Variants in DOCK3 observed in about 807,000 individuals in gnomAD.
DOCK3 encodes the protein dedicator of cytokinesis 3.
Under a neutral mutation model 265.6 loss-of-function variants are expected in DOCK3, and 60 were observed. That is an observed-to-expected ratio of 0.23 (90% CI 0.18 to 0.28). DOCK3 has a LOEUF of 0.28. Among genes scored for constraint, DOCK3 ranks in the 10% least tolerant of loss-of-function variants. The pLI is 1.00. For missense variants in DOCK3, 1,981 were observed against 2,594.3 expected (o/e 0.76, Z 5.14); for synonymous variants, 881 against 938.0 (o/e 0.94, Z 1.11).
At chr3:51,238,779 AGACATGATCT>A (rs1381572916) in intron 21 of DOCK3, among the ~76,000 whole-genome samples, 1 of 152,174 alleles carries the variant, frequency 6.6e-6, no homozygotes, top group Non-Finnish European at 1.5e-5. Flanking sequence ...TTTCTGCAAA[AGACATGATCT>A]CATTCTTTTT....
chr3:50,755,730 A>G (rs1396943890), intron 1 of DOCK3, among the ~76,000 whole-genome samples: 1 of 152,170 alleles, frequency 6.6e-6, no homozygotes, highest in African/African-American at 2.4e-5. Flanking sequence ...ATTTGCCTAT[A>G]CTGGACATTT....
intron 5 of DOCK3, among the ~76,000 whole-genome samples, chr3:51,061,407 T>C (rs897418966): frequency 1.1e-4 from 16 of 152,164 alleles, no homozygotes; most frequent in Non-Finnish European, 2.4e-4. Flanking sequence ...TTCATGTCCT[T>C]TGTAGGGACA....
chr3:51,257,643 C>T (rs1454986943), intron 22 of DOCK3, among the ~76,000 whole-genome samples: 2 of 152,050 alleles, frequency 1.3e-5, no homozygotes, highest in African/African-American at 4.8e-5. Flanking sequence ...AGAGAGGGCA[C>T]GGTGGATCTT....
At chr3:50,876,449 G>A (rs1177786126) in intron 3 of DOCK3, among the ~76,000 whole-genome samples, 1 of 152,016 alleles carries the variant, frequency 6.6e-6, no homozygotes, top group Non-Finnish European at 1.5e-5. Flanking sequence ...AATATTTAGT[G>A]AATAAATATT....
At chr3:50,916,901 A>AG (rs2050161143) in intron 4 of DOCK3, among the ~76,000 whole-genome samples, 1 of 151,242 alleles carries the variant, frequency 6.6e-6, no homozygotes, top group East Asian at 1.9e-4. Flanking sequence ...TCCCTTTATG[A>AG]GGGGGACAAG....
chr3:50,695,013 T>C lies in DOCK3; in HGVS notation c.37+19713T>C, dbSNP rs1371635616. Among the ~76,000 whole-genome samples, 4 of 152,322 alleles carry C rather than the reference T, an allele frequency of 2.6e-5. No individual in the cohort carries two copies. In the East Asian group the frequency reaches 7.7e-4, roughly 29 times the overall value. The stretch of plus-strand genomic sequence containing the variant: ...TTAGCAGATTTAATTTTGTTTTAAA[T>C]CAATTAGTCACTTAAGGTTTTTATT... On this transcript the variant is annotated intron_variant, in intron 1 of 52. Transcript: ENST00000266037.
intron 27 of DOCK3, among the ~76,000 whole-genome samples, chr3:51,296,538 G>T (rs981532510): frequency 6.7e-6 from 1 of 149,824 alleles, no homozygotes; most frequent in East Asian, 2.0e-4. Context: ...GTGCAGTGGC[G>T]CGATCTCGGC....
chr3:51,049,587 T>C (rs2080911367), intron 5 of DOCK3, among the ~76,000 whole-genome samples: 1 of 152,136 alleles, frequency 6.6e-6, no homozygotes, highest in Non-Finnish European at 1.5e-5. Flanking sequence ...AATTTTTCAC[T>C]TGTAATGTCA....
chr3:50,702,488 C>T (rs887445336), intron 1 of DOCK3, among the ~76,000 whole-genome samples: 3 of 152,008 alleles, frequency 2.0e-5, no homozygotes, highest in African/African-American at 2.4e-5. Context: ...CTCAGCCTCC[C>T]GAGTAGCTTG....
intron 3 of DOCK3, among the ~76,000 whole-genome samples, chr3:50,843,993 A>T (rs2045964988): frequency 6.6e-6 from 1 of 152,190 alleles, no homozygotes; most frequent in African/African-American, 2.4e-5. Context: ...TTATGGTCCT[A>T]CTACACTTGA....
intron 12 of DOCK3, among the ~76,000 whole-genome samples, chr3:51,195,472 T>G (rs2088225069): frequency 6.6e-6 from 1 of 152,114 alleles, no homozygotes; most frequent in African/African-American, 2.4e-5. Context: ...TGGAGTGCAG[T>G]GGTGAGATCT....
chr3:51,248,886 C>A (rs1179790454), intron 22 of DOCK3, among the ~76,000 whole-genome samples: 1 of 149,756 alleles, frequency 6.7e-6, no homozygotes, highest in Non-Finnish European at 1.5e-5. Context: ...CCGGCCGCCA[C>A]CCCGTCTGGG....
intron 1 of DOCK3, among the ~76,000 whole-genome samples, chr3:50,734,601 A>AGTTT (rs1333163000): frequency 2.5e-5 from 1 of 39,478 alleles, no homozygotes; most frequent in African/African-American, 1.2e-4. Flanking sequence ...TTTTACAGTG[A>AGTTT]GTTTTTTTTT....
intron 4 of DOCK3, among the ~76,000 whole-genome samples, chr3:50,906,525 T>G (rs945798040): frequency 1.4e-4 from 22 of 152,120 alleles, no homozygotes; most frequent in Non-Finnish European, 2.9e-4. Context: ...TATCCATTTC[T>G]TCTAGATTTT....
rs1255780216 is a variant in DOCK3 at position 51,146,562 on chromosome 3, G to A, written c.760G>A (p.Val254Ile). 3 of 1,595,978 alleles carry A rather than the reference G, an allele frequency of 1.9e-6. No homozygotes were observed. Among genetic ancestry groups the A allele is most frequent in the Admixed American group, 1.8e-5 (1 of 57,120 alleles). ...CCTACATTTCAGTGAGCGGTTTCTG[G>A]TAAGACTGAACAAGAATGGTGGGCC... is the stretch of plus-strand genomic sequence containing the variant. ...EGKQISERFL[V>I]RLNKNGGPRN... Residue 254 changes from valine to isoleucine, a missense_variant, in exon 10 of 53, where the codon GTA becomes ATA. By Grantham distance (29) the Val-to-Ile change is conservative. Around this residue, in one of 4 missense-constraint regions of DOCK3, gnomAD observed 456 missense variants for 539.0 expected, o/e 0.85. Transcript: ENST00000266037.
chr3:50,829,842 A>T (rs879547867), intron 2 of DOCK3, among the ~76,000 whole-genome samples: 1 of 152,196 alleles, frequency 6.6e-6, no homozygotes, highest in Non-Finnish European at 1.5e-5. Flanking sequence ...CAGAGTGACT[A>T]ATTTTAATGA....
intron 1 of DOCK3, among the ~76,000 whole-genome samples, chr3:50,688,178 G>A (rs1183443438): frequency 1.3e-5 from 2 of 152,218 alleles, no homozygotes; most frequent in African/African-American, 2.4e-5. Flanking sequence ...TTTTAGCGAT[G>A]TGGTTAGCCA....
intron 4 of DOCK3, among the ~76,000 whole-genome samples, chr3:50,899,422 C>T (rs1245596090): frequency 6.6e-6 from 1 of 152,102 alleles, no homozygotes; most frequent in African/African-American, 2.4e-5. Flanking sequence ...GGTCTTGACT[C>T]TTTGTCCAGT....
rs905451205 is a variant in DOCK3 at position 50,735,595 on chromosome 3, C to T, written c.38-43080C>T. On this transcript the variant is annotated intron_variant, in intron 1 of 52. Transcript: ENST00000266037. Reference sequence around the variant, plus strand: ...TCAAGTGATCTGCCTGCCTCGGCCTCCCAAAGTGCTGGGATTGCGGGGTGA... The same window carrying T: ...TCAAGTGATCTGCCTGCCTCGGCCTTCCAAAGTGCTGGGATTGCGGGGTGA... 7.9e-5 allele frequency among the ~76,000 whole-genome samples: 12 copies of T among 152,252 alleles called. No homozygotes were observed. In the Middle Eastern group the frequency reaches 0.01, roughly 129 times the overall value.
Sources: allele counts gnomAD v4.1 joint callset (sites outside exome capture counted in the v4.1 genomes callset), GRCh38; gene constraint gnomAD v4.1.1; regional missense constraint gnomAD v4.1.1; transcripts MANE v1.5; gene names NCBI Gene and HGNC (gene_info 2026-07-23, HGNC 2026-07-21).